The following CPQ variants were observed in gnomAD, a reference collection of about 807,000 sequenced individuals.
The protein encoded by CPQ is carboxypeptidase Q, also known as Ser-Met dipeptidase.
A neutral mutation model predicts 45.7 loss-of-function variants in CPQ; 37 were observed. That is an observed-to-expected ratio of 0.81 (90% CI 0.62 to 1.07). The LOEUF (loss-of-function observed/expected upper bound fraction) is 1.07. Ranked by LOEUF, CPQ falls within the 50% of genes least tolerant of loss-of-function variation. The pLI is 0.00. For missense variants in CPQ, 537 were observed against 572.9 expected (o/e 0.94, Z 0.64); for synonymous variants, 186 against 205.8 (o/e 0.90, Z 0.82).
Position 96,879,912 on chromosome 8 carries a change from T to A in CPQ, c.756T>A (p.Ile252=). 1.2e-6 allele frequency: 2 copies of A among 1,614,062 alleles called. No homozygotes were observed. Among genetic ancestry groups the A allele is most frequent in the Non-Finnish European group, 1.7e-6 (2 of 1,179,972 alleles). The change falls in exon 4 of 8, where the codon ATT becomes ATA. Residue 252 remains isoleucine (I), a synonymous_variant. Transcript: ENST00000220763. ...GAATGGCTTCTCATGGGATCAAAAT[T>A]GTCATTCAGCTAAAGATGGGGGCAA... ...MSRMASHGIK[I]VIQLKMGAKT...
chr8:96,779,476 T>G (rs892787555), intron 1 of CPQ, among the ~76,000 whole-genome samples: 3 of 152,188 alleles, frequency 2.0e-5, no homozygotes, highest in Admixed American at 2.0e-4. Flanking sequence ...TCTGTGTAAG[T>G]CAGTCAGTCA....
At chr8:96,990,516 T>C (rs2130404758) in intron 5 of CPQ, among the ~76,000 whole-genome samples, 1 of 152,320 alleles carries the variant, frequency 6.6e-6, no homozygotes, top group South Asian at 2.1e-4. Flanking sequence ...GGGACAGGGA[T>C]GCCTAGGCAC....
intron 4 of CPQ, among the ~76,000 whole-genome samples, chr8:96,921,238 C>T (rs1422127130): frequency 2.0e-5 from 3 of 152,142 alleles, no homozygotes; most frequent in Non-Finnish European, 4.4e-5. Context: ...GAATGTAGAG[C>T]ATGCACCTGT....
At chr8:97,003,979 C>T (rs988449421) in intron 5 of CPQ, among the ~76,000 whole-genome samples, 2 of 152,152 alleles carry the variant, frequency 1.3e-5, no homozygotes, top group African/African-American at 2.4e-5. Flanking sequence ...TATAACCTTA[C>T]AGATGGAATT....
chr8:96,898,744 T>C (rs2130895069), intron 4 of CPQ, among the ~76,000 whole-genome samples: 2 of 142,220 alleles, frequency 1.4e-5, no homozygotes, highest in East Asian at 4.2e-4. Flanking sequence ...ACCTGCACAA[T>C]GTGCACATGT....
intron 5 of CPQ, among the ~76,000 whole-genome samples, chr8:96,969,997 C>T (rs913336365): frequency 2.0e-5 from 3 of 152,160 alleles, no homozygotes; most frequent in African/African-American, 7.2e-5. Flanking sequence ...CAAAGGCATG[C>T]CAGGGCTTTG....
chr8:97,078,368 G>T (rs112749614), intron 7 of CPQ, among the ~76,000 whole-genome samples: 1 of 152,160 alleles, frequency 6.6e-6, no homozygotes. Flanking sequence ...GTTGCTACTG[G>T]ATTGTTCATT....
chr8:96,962,954 T>A (rs1048438967), intron 4 of CPQ, among the ~76,000 whole-genome samples: 28 of 152,208 alleles, frequency 1.8e-4, no homozygotes, highest in African/African-American at 6.5e-4. Flanking sequence ...AGAGAATATG[T>A]AATCATTCTT....
chr8:97,019,787 G>A (rs1195042788), intron 5 of CPQ, among the ~76,000 whole-genome samples: 3 of 152,100 alleles, frequency 2.0e-5, no homozygotes, highest in Non-Finnish European at 4.4e-5. Flanking sequence ...GGGGACTTCA[G>A]TACTCTACTG....
intron 2 of CPQ, among the ~76,000 whole-genome samples, chr8:96,834,680 G>T (rs904182634): frequency 1.3e-5 from 2 of 152,120 alleles, no homozygotes; most frequent in Non-Finnish European, 2.9e-5. Flanking sequence ...GGGTGGGAAA[G>T]AATTAAAAAA....
At chr8:96,769,493 C>G (rs994644851) in intron 1 of CPQ, among the ~76,000 whole-genome samples, 2 of 152,162 alleles carry the variant, frequency 1.3e-5, no homozygotes, top group Non-Finnish European at 2.9e-5. Context: ...CAGCCACCCT[C>G]ATGGTCAGCC....
At chr8:96,970,693 A>G (rs1001723449) in intron 5 of CPQ, among the ~76,000 whole-genome samples, 28 of 151,924 alleles carry the variant, frequency 1.8e-4, no homozygotes, top group African/African-American at 6.5e-4. Context: ...CCTCACGAGT[A>G]GCTGGGACTA....
At chr8:97,071,629 C>T (rs984248884) in intron 7 of CPQ, among the ~76,000 whole-genome samples, 3 of 152,188 alleles carry the variant, frequency 2.0e-5, no homozygotes, top group African/African-American at 7.2e-5. Context: ...AGTAATATCC[C>T]AACCTGTGTT....
intron 1 of CPQ, among the ~76,000 whole-genome samples, chr8:96,783,740 G>C (rs917507957): frequency 6.6e-6 from 1 of 152,122 alleles, no homozygotes; most frequent in Non-Finnish European, 1.5e-5. Context: ...CTAGCCACAC[G>C]TATCTATTGA....
intron 4 of CPQ, among the ~76,000 whole-genome samples, chr8:96,965,421 G>C (rs895725664): frequency 1.5e-5 from 2 of 136,164 alleles, no homozygotes; most frequent in African/African-American, 5.6e-5. Context: ...CCACCCCGGA[G>C]TGCAGTGGCG....
At chr8:96,796,021 T>C (rs1810922928) in intron 2 of CPQ, among the ~76,000 whole-genome samples, 1 of 152,040 alleles carries the variant, frequency 6.6e-6, no homozygotes, top group South Asian at 2.1e-4. Context: ...ACAACGTAAA[T>C]ATATATTTTA....
At position 97,084,858 on chromosome 8, in the gene CPQ, C is replaced by G. The variant is rs77923770; in HGVS notation, c.1255+18648C>G. 1.5e-4 allele frequency among the ~76,000 whole-genome samples: 22 copies of G among 150,148 alleles called. No individual in the cohort carries two copies. The East Asian group carries it at 4.1e-3, about 28-fold the overall frequency. On this transcript the variant is annotated intron_variant, in intron 7 of 7. Transcript: ENST00000220763. Reference sequence around the variant, plus strand: ...TGTGTCTCTCTGTGTGTATGTACACCAAAGAAGAACCACACCAGGAATTGA... The same window carrying G: ...TGTGTCTCTCTGTGTGTATGTACACGAAAGAAGAACCACACCAGGAATTGA...
intron 1 of CPQ, among the ~76,000 whole-genome samples, chr8:96,696,724 A>T (rs553904684): frequency 1.4e-4 from 21 of 152,266 alleles, no homozygotes; most frequent in African/African-American, 5.1e-4. Context: ...GGATCATTAG[A>T]GGCTGTGATG....
intron 1 of CPQ, among the ~76,000 whole-genome samples, chr8:96,728,959 C>T (rs572642774): frequency 1.5e-4 from 23 of 152,156 alleles, no homozygotes; most frequent in Non-Finnish European, 3.2e-4. Context: ...GGAAAAAAAA[C>T]AAACAAACCT....
Sources: allele counts gnomAD v4.1 joint callset (sites outside exome capture counted in the v4.1 genomes callset), GRCh38; gene constraint gnomAD v4.1.1; transcripts MANE v1.5; gene names NCBI Gene and HGNC (gene_info 2026-07-23, HGNC 2026-07-21).